Variants in HLCS observed in about 807,000 individuals in gnomAD.
HLCS encodes holocarboxylase synthetase.
A neutral mutation model predicts 75.0 loss-of-function variants in HLCS; 53 were observed. That is an observed-to-expected ratio of 0.71 (90% confidence interval 0.57 to 0.89). HLCS has a LOEUF of 0.89. Among genes scored for constraint, HLCS ranks in the 40% least tolerant of loss-of-function variants. HLCS has a pLI of 0.00. For synonymous variants in HLCS, 431 were observed against 428.6 expected, an observed-to-expected ratio of 1.01 and a Z score of -0.07; for missense variants, 966 against 1,074.0, an observed-to-expected ratio of 0.90 and a Z score of 1.41.
At chr21:36,810,543 CAT>C (rs2145957585) in intron 6 of HLCS, among the ~76,000 whole-genome samples, 1 of 152,302 alleles carries the variant, frequency 6.6e-6, no homozygotes, top group South Asian at 2.1e-4. Context: ...GTTCTCCCAC[CAT>C]AAACTTGCCT....
chr21:36,972,620 T>C (rs1569268188), intron 1 of HLCS, among the ~76,000 whole-genome samples: 1 of 152,214 alleles, frequency 6.6e-6, no homozygotes, highest in Non-Finnish European at 1.5e-5. Flanking sequence ...CTGAGTTACA[T>C]ATAGAAAGGC....
chr21:36,979,272 CAA>C (rs35662012), intron 1 of HLCS, among the ~76,000 whole-genome samples: 35 of 109,218 alleles, frequency 3.2e-4, no homozygotes, highest in South Asian at 5.6e-4. Flanking sequence ...GACTCAGTCT[CAA>C]AAAAAAAAAA....
intron 7 of HLCS, among the ~76,000 whole-genome samples, chr21:36,766,136 A>G (rs1413698602): frequency 6.6e-6 from 1 of 151,946 alleles, no homozygotes; most frequent in Non-Finnish European, 1.5e-5. Context: ...TGATGCTCCC[A>G]CCTCAGGCTC....
rs540876474 is a variant in HLCS at position 36,758,721 on chromosome 21, G to A, written c.2236+1006C>T. ...GGGGGAGACTGGGCAAGTGGCTCAC[G>A]TCTGTAATGCCAGCACTCTGGGAGG... On this transcript the variant is annotated intron_variant, in intron 9 of 10. Transcript: ENST00000674895. 3.5e-4 allele frequency among the ~76,000 whole-genome samples: 53 copies of A among 152,264 alleles called. 1 individual carries two copies. Among genetic ancestry groups the A allele is most frequent in the South Asian group, 1.9e-3 (9 of 4,820 alleles).
Position 36,936,368 on chromosome 21 carries a change from G to T in HLCS, c.1437+81C>A, listed in dbSNP as rs962861882. The T allele has an allele frequency of 6.5e-6, 8 of 1,231,988 alleles. No individual in the cohort carries two copies. The East Asian group carries it at 1.2e-4, about 18-fold the overall frequency. 76.3% of individuals were successfully genotyped at this position (1,231,988 alleles called of 1,614,324 possible). A position where few individuals can be genotyped will look rare whatever the true frequency, so the allele number is the denominator to read the frequency against. On this transcript the variant is annotated intron_variant, in intron 4 of 10. Transcript: ENST00000674895. ...ACACGAACTCCTGAAACTTTTAAGC[G>T]TGTACCTTTAAAAGACATATTCCCT...
intron 6 of HLCS, among the ~76,000 whole-genome samples, chr21:36,864,692 A>G (rs2063497259): frequency 6.6e-6 from 1 of 152,250 alleles, no homozygotes; most frequent in African/African-American, 2.4e-5. Context: ...AGTATTATGT[A>G]TAACTTGAAA....
chr21:36,781,271 A>T (rs2060525177), intron 6 of HLCS, among the ~76,000 whole-genome samples: 1 of 151,970 alleles, frequency 6.6e-6, no homozygotes, highest in African/African-American at 2.4e-5. Flanking sequence ...AAAAAAAAAA[A>T]AAAAAAGCCT....
rs16994517 is a variant in HLCS at position 36,829,418 on chromosome 21, A to C, written c.1893-62133T>G. ...AGATTCATTAAGTTGACACATTCCAATTTTGTGTGTCATGACATATAAACA... is the reference window on the plus strand; with the variant it reads ...AGATTCATTAAGTTGACACATTCCACTTTTGTGTGTCATGACATATAAACA... On this transcript the variant is annotated intron_variant, in intron 6 of 10. Coordinates refer to ENST00000674895, the MANE Select transcript of HLCS (RefSeq NM_001352514.2). Among the ~76,000 whole-genome samples the C allele has an allele frequency of 7.7e-3, 1,175 of 152,240 alleles. 15 individuals are homozygous for C. The highest frequency in any genetic ancestry group is 0.026 in the African/African-American group (1,071 of 41,540).
At chr21:36,775,536 T>C (rs2060330363) in intron 6 of HLCS, among the ~76,000 whole-genome samples, 2 of 152,222 alleles carry the variant, frequency 1.3e-5, no homozygotes, top group African/African-American at 2.4e-5. Flanking sequence ...ACCTCAGCGG[T>C]AGCCCTGATG....
At chr21:36,868,954 T>C (rs1480819174) in intron 6 of HLCS, among the ~76,000 whole-genome samples, 1 of 152,160 alleles carries the variant, frequency 6.6e-6, no homozygotes, top group Non-Finnish European at 1.5e-5. Context: ...AGGGACAGTT[T>C]CTTCCAATGA....
chr21:36,800,253 C>T (rs1479846444), intron 6 of HLCS, among the ~76,000 whole-genome samples: 12 of 152,120 alleles, frequency 7.9e-5, no homozygotes, highest in Admixed American at 6.5e-4. Context: ...CATATGTTTT[C>T]ATGCTGAAAA....
At chr21:36,865,781 G>A (rs2063534142) in intron 6 of HLCS, among the ~76,000 whole-genome samples, 1 of 152,112 alleles carries the variant, frequency 6.6e-6, no homozygotes, top group African/African-American at 2.4e-5. Flanking sequence ...TATAACATCA[G>A]CTACCACACA....
chr21:36,775,164 G>A (rs1432731682), intron 6 of HLCS, among the ~76,000 whole-genome samples: 2 of 152,166 alleles, frequency 1.3e-5, no homozygotes, highest in South Asian at 2.1e-4. Context: ...CTTCATTTCC[G>A]TAGCTCCTGG....
At chr21:36,834,115 C>T (rs1054551885) in intron 6 of HLCS, among the ~76,000 whole-genome samples, 1 of 152,250 alleles carries the variant, frequency 6.6e-6, no homozygotes, top group Admixed American at 6.5e-5. Context: ...GACTTGAGTA[C>T]GCACGGACTT....
intron 6 of HLCS, among the ~76,000 whole-genome samples, chr21:36,864,108 T>C (rs980366391): frequency 2.0e-5 from 3 of 152,170 alleles, no homozygotes; most frequent in African/African-American, 7.2e-5. Context: ...TCATCTAAAG[T>C]GCATGAACAG....
chr21:36,890,785 T>C (rs2064750079), intron 6 of HLCS, among the ~76,000 whole-genome samples: 1 of 152,182 alleles, frequency 6.6e-6, no homozygotes. Flanking sequence ...ATTCCTCTAA[T>C]TACCTTGAGT....
At chr21:36,820,367 ACGGCCGGGCCG>A (rs1569056623) in intron 6 of HLCS, among the ~76,000 whole-genome samples, 1 of 152,088 alleles carries the variant, frequency 6.6e-6, no homozygotes, top group Non-Finnish European at 1.5e-5. Context: ...CTGCCCAGCC[ACGGCCGGGCCG>A]CCGACTGGGA....
At chr21:36,904,474 T>C (rs1177888201) in intron 5 of HLCS, among the ~76,000 whole-genome samples, 1 of 152,198 alleles carries the variant, frequency 6.6e-6, no homozygotes, top group African/African-American at 2.4e-5. Flanking sequence ...CAGAACCAAG[T>C]GAATTACTCA....
Position 36,750,335 on chromosome 21 carries a change from G to T in HLCS, c.*3911C>A, listed in dbSNP as rs537267315. ...CAAGGCTGGCTCAGCCCTCCACGGG[G>T]CCTCCCAGGGAAAGGAATTCCTTTA... On this transcript the variant is annotated 3_prime_UTR_variant, in exon 11 of 11. Coordinates refer to ENST00000674895, the MANE Select transcript of HLCS (RefSeq NM_001352514.2). Among the ~76,000 whole-genome samples the T allele has an allele frequency of 1.4e-4, 22 of 152,230 alleles. No homozygotes were observed. The highest frequency in any genetic ancestry group is 2.6e-4 in the Non-Finnish European group (18 of 68,046).
Sources: gnomAD v4.1 joint callset for allele counts (sites outside exome capture counted in the v4.1 genomes callset) on GRCh38, gnomAD v4.1.1 for gene constraint, MANE v1.5 for transcripts, NCBI Gene and HGNC (gene_info 2026-07-23, HGNC 2026-07-21) for gene names.